SNTG1: variants seen among roughly 807,000 people sequenced by gnomAD.
SNTG1 encodes the protein syntrophin gamma 1.
A neutral mutation model predicts 74.7 loss-of-function variants in SNTG1; 39 were observed. That is an observed-to-expected ratio of 0.52 (90% CI 0.40 to 0.68). The LOEUF (loss-of-function observed/expected upper bound fraction) is 0.68, where lower values mean the gene tolerates loss of function less well. Among genes scored for constraint, SNTG1 ranks in the 30% least tolerant of loss-of-function variants. SNTG1 has a pLI of 0.00. For synonymous variants in SNTG1, 254 were observed against 217.1 expected (o/e 1.17, Z -1.49); for missense variants, 685 against 609.5 (o/e 1.12, Z -1.30).
At chr8:50,129,397 A>G (rs2081248506) in intron 1 of SNTG1, among the ~76,000 whole-genome samples, 1 of 152,148 alleles carries the variant, frequency 6.6e-6, no homozygotes, top group Non-Finnish European at 1.5e-5. Flanking sequence ...ATAAATGGGA[A>G]CTGAAACTTT....
intron 1 of SNTG1, among the ~76,000 whole-genome samples, chr8:50,066,884 T>A (rs1002556003): frequency 1.3e-5 from 2 of 151,816 alleles, no homozygotes; most frequent in Admixed American, 6.6e-5. Context: ...AATCCTCAAA[T>A]GGAAATAAAA....
intron 2 of SNTG1, among the ~76,000 whole-genome samples, chr8:50,294,952 A>G (rs1309188478): frequency 1.3e-5 from 2 of 152,136 alleles, no homozygotes; most frequent in Non-Finnish European, 2.9e-5. Flanking sequence ...AACTCCATCC[A>G]ACACCACATC....
chr8:50,424,176 G>A (rs1386829653), intron 4 of SNTG1, among the ~76,000 whole-genome samples: 2 of 152,108 alleles, frequency 1.3e-5, no homozygotes, highest in African/African-American at 4.8e-5. Flanking sequence ...TGCAAATGAA[G>A]GGATTAAACA....
chr8:50,505,722 G>A (rs111334378), intron 9 of SNTG1, among the ~76,000 whole-genome samples: 2,834 of 152,166 alleles, frequency 0.019, 38 homozygotes, highest in Non-Finnish European at 0.028. Context: ...CTGTTGTTGA[G>A]TTGTAAGAAT....
At chr8:50,293,403 C>CT (rs11349774) in intron 2 of SNTG1, among the ~76,000 whole-genome samples, 9 of 135,642 alleles carry the variant, frequency 6.6e-5, no homozygotes, top group African/African-American at 1.9e-4. Context: ...TAGTAGGCTT[C>CT]TTTTTTTTTT....
At chr8:50,642,674 A>G (rs573392348) in intron 13 of SNTG1, among the ~76,000 whole-genome samples, 26 of 152,042 alleles carry the variant, frequency 1.7e-4, no homozygotes, top group African/African-American at 5.8e-4. Flanking sequence ...CCTATACTCA[A>G]ATGTCCCATT....
intron 9 of SNTG1, among the ~76,000 whole-genome samples, chr8:50,512,078 G>T (rs1222715312): frequency 2.0e-5 from 3 of 151,896 alleles, no homozygotes; most frequent in African/African-American, 4.8e-5. Flanking sequence ...CATGTTTAGT[G>T]CTTCCTTCAG....
At chr8:50,368,337 G>A (rs2092174683) in intron 2 of SNTG1, among the ~76,000 whole-genome samples, 1 of 152,096 alleles carries the variant, frequency 6.6e-6, no homozygotes, top group African/African-American at 2.4e-5. Context: ...TTGAAAGTAT[G>A]GCTTGGGTCC....
chr8:49,976,908 T>C (rs1812246152), intron 1 of SNTG1, among the ~76,000 whole-genome samples: 1 of 152,130 alleles, frequency 6.6e-6, no homozygotes, highest in Non-Finnish European at 1.5e-5. Context: ...CAGAAACGAA[T>C]CATAGAGGAA....
intron 2 of SNTG1, among the ~76,000 whole-genome samples, chr8:50,367,653 C>T (rs1007544953): frequency 6.6e-6 from 1 of 152,008 alleles, no homozygotes; most frequent in Non-Finnish European, 1.5e-5. Flanking sequence ...AAAGTATAAA[C>T]TCATTCAATC....
intron 1 of SNTG1, among the ~76,000 whole-genome samples, chr8:50,144,668 A>G (rs1243704891): frequency 6.6e-6 from 1 of 152,136 alleles, no homozygotes; most frequent in Non-Finnish European, 1.5e-5. Flanking sequence ...TTCCATTTGC[A>G]CTGCAGGGAC....
intron 2 of SNTG1, among the ~76,000 whole-genome samples, chr8:50,175,759 G>A (rs905359878): frequency 8.5e-5 from 13 of 152,144 alleles, no homozygotes; most frequent in African/African-American, 2.9e-4. Context: ...TCATCCTCAA[G>A]CCACCTTCTT....
intron 1 of SNTG1, among the ~76,000 whole-genome samples, chr8:50,154,011 C>A (rs1368377722): frequency 1.3e-5 from 2 of 152,164 alleles, no homozygotes; most frequent in Admixed American, 1.3e-4. Context: ...GTGGAGTCTA[C>A]AGAGGCATGC....
chr8:50,320,775 C>T (rs1338043587), intron 2 of SNTG1, among the ~76,000 whole-genome samples: 2 of 152,154 alleles, frequency 1.3e-5, no homozygotes, highest in East Asian at 1.9e-4. Context: ...TTGACCCACT[C>T]ATCATTCAGG....
intron 8 of SNTG1, among the ~76,000 whole-genome samples, chr8:50,453,734 C>G (rs146755737): frequency 6.6e-6 from 1 of 152,166 alleles, no homozygotes; most frequent in Non-Finnish European, 1.5e-5. Flanking sequence ...CAAATGCCAC[C>G]GCTCACATGC....
chr8:50,635,012 A>AG (rs2095029693), intron 13 of SNTG1, among the ~76,000 whole-genome samples: 1 of 152,112 alleles, frequency 6.6e-6, no homozygotes, highest in African/African-American at 2.4e-5. Flanking sequence ...CCTGGGCCCT[A>AG]GTGGTTCATG....
intron 2 of SNTG1, among the ~76,000 whole-genome samples, chr8:50,338,422 GA>G (rs1200972298): frequency 6.6e-6 from 1 of 152,096 alleles, no homozygotes; most frequent in Non-Finnish European, 1.5e-5. Flanking sequence ...AGTGTGAAGA[GA>G]AAAAACTAGC....
chr8:50,245,856 T>C (rs1329755151), intron 2 of SNTG1, among the ~76,000 whole-genome samples: 3 of 152,142 alleles, frequency 2.0e-5, no homozygotes, highest in African/African-American at 4.8e-5. Flanking sequence ...GTAGTCATTA[T>C]GCGTGATAGA....
intron 2 of SNTG1, among the ~76,000 whole-genome samples, chr8:50,192,325 T>C (rs1485326098): frequency 6.6e-6 from 1 of 152,168 alleles, no homozygotes; most frequent in Non-Finnish European, 1.5e-5. Flanking sequence ...CTTTCTTTGG[T>C]CCTTAGTTTT....
Sources: gnomAD v4.1 joint callset for allele counts (sites outside exome capture counted in the v4.1 genomes callset) on GRCh38, gnomAD v4.1.1 for gene constraint, MANE v1.5 for transcripts, NCBI Gene and HGNC (gene_info 2026-07-23, HGNC 2026-07-21) for gene names.